Variants in YBX1 observed in about 807,000 individuals in gnomAD.
The protein encoded by YBX1 is Y-box binding protein 1.
In YBX1, 3 loss-of-function variants were observed where a neutral mutation model predicts 41.4. The ratio of observed to expected loss-of-function variants is 0.07; its 90% CI spans 0.03 to 0.19. YBX1 has a LOEUF of 0.19. YBX1 is among the 10% of genes least tolerant of loss of function. The pLI is 1.00. For missense variants in YBX1, 274 were observed against 462.8 expected (o/e 0.59, Z 3.74); for synonymous variants, 133 against 165.8 (o/e 0.80, Z 1.52).
intron 2 of YBX1, among the ~76,000 whole-genome samples, chr1:42,685,655 G>A (rs1327543589): frequency 6.6e-6 from 1 of 152,202 alleles, no homozygotes; most frequent in Non-Finnish European, 1.5e-5. Context: ...ATAAAGGAGA[G>A]GGTGCAGTGT....
In YBX1 at chr1:42,702,659, C is replaced by T. The variant is rs79917566; in HGVS notation, c.*710C>T. Reference sequence around the variant, plus strand: ...ATTGTTTAAAAGGGCATTGCTCTAGCCTAGACCGACCAGACTCTCATCCTG... The same window carrying T: ...ATTGTTTAAAAGGGCATTGCTCTAGTCTAGACCGACCAGACTCTCATCCTG... On this transcript the variant is annotated 3_prime_UTR_variant, in exon 8 of 8. Transcript: ENST00000321358. Among the ~76,000 whole-genome samples the T allele has an allele frequency of 9.8e-4, 149 of 152,284 alleles. No individual in the cohort carries two copies. The highest frequency in any genetic ancestry group is 3.3e-3 in the African/African-American group (138 of 41,556).
intron 2 of YBX1, 63 bp from the exon 3 acceptor site, chr1:42,693,427 A>T: frequency 5.0e-6 from 8 of 1,597,788 alleles, no homozygotes; most frequent in Non-Finnish European, 6.9e-6. Flanking sequence ...TGGGAAAATT[A>T]ATCTTTGACA....
chr1:42,696,592 A>C lies in YBX1; in HGVS notation c.355-50A>C. ...TTCTGATTTCCTTTTGAAAGTGTTG[A>C]AAGTGTTCTGATTTCCTTTGTCACT... On this transcript the variant is annotated intron_variant, in intron 4 of 7. Transcript: ENST00000321358. The surrounding 1 kb of genome is among the most constrained non-coding windows in gnomAD (Gnocchi z 5.7). The C allele has an allele frequency of 8.4e-7, 1 of 1,196,928 alleles. No homozygotes were observed. The highest frequency in any genetic ancestry group is 1.1e-6 in the Non-Finnish European group (1 of 937,952). The allele number at this position is 1,196,928 out of a possible 1,614,324, so 74.1% of individuals were successfully genotyped here.
At chr1:42,689,902 A>G (rs1267598786) in intron 2 of YBX1, among the ~76,000 whole-genome samples, 1 of 152,234 alleles carries the variant, frequency 6.6e-6, no homozygotes, top group Non-Finnish European at 1.5e-5. Flanking sequence ...GGCTAGTATT[A>G]GTGAATAGTA....
At chr1:42,682,807 C>T in intron 1 of YBX1, 76 bp downstream of exon 1, 3 of 1,048,178 alleles carry the variant, frequency 2.9e-6, no homozygotes, top group Non-Finnish European at 2.4e-6. Context: ...GCTGGGCGAG[C>T]CGGCGGGCGC....
intron 1 of YBX1, chr1:42,683,053 C>T (rs1279406241): frequency 4.6e-6 from 2 of 436,904 alleles, no homozygotes; most frequent in African/African-American, 2.1e-5. Context: ...CGCCGTTGTT[C>T]GCGTCACCCC....
rs539601762 is a variant in YBX1 at position 42,697,445 on chromosome 1, A to AT, written c.740+190dup. Reference sequence around the variant, plus strand: ...TAGATGAGGTCTGCTTTATACATAAATTTTTTTAGAAAATGATGAGGGTTT... The same window carrying AT: ...TAGATGAGGTCTGCTTTATACATAAATTTTTTTTAGAAAATGATGAGGGTTT... On this transcript the variant is annotated intron_variant, in intron 6 of 7. Coordinates refer to ENST00000321358, the MANE Select transcript of YBX1 (RefSeq NM_004559.5). Among the ~76,000 whole-genome samples, 479 of 152,258 alleles carry AT rather than the reference A, an allele frequency of 3.1e-3. 1 individual carries two copies. The highest frequency in any genetic ancestry group is 4.7e-3 in the Admixed American group (72 of 15,292).
chr1:42,682,896 C>G (rs1650075338), intron 1 of YBX1, 165 bp downstream of exon 1: 1 of 261,618 alleles, frequency 3.8e-6, no homozygotes, highest in Non-Finnish European at 6.6e-6. Context: ...CGCGGGGACC[C>G]GCCCGGCAGG....
At chr1:42,683,050 G>A (rs766281529) in intron 1 of YBX1, 5 of 433,330 alleles carry the variant, frequency 1.2e-5, no homozygotes, top group South Asian at 8.6e-5. Context: ...GCACGCCGTT[G>A]TTCGCGTCAC....
chr1:42,689,684 G>A (rs770684784), intron 2 of YBX1, among the ~76,000 whole-genome samples: 4 of 152,176 alleles, frequency 2.6e-5, no homozygotes, highest in African/African-American at 4.8e-5. Flanking sequence ...AAAAGCAAAT[G>A]CTAGAATTCC....
At position 42,682,716 on chromosome 1, in the gene YBX1, G is replaced by A; in HGVS notation, c.151G>A (p.Asp51Asn). 5.6e-6 allele frequency: 7 copies of A among 1,247,982 alleles called. No homozygotes were observed. Among genetic ancestry groups the A allele is most frequent in the Non-Finnish European group, 7.0e-6 (7 of 1,001,698 alleles). 77.3% of individuals were successfully genotyped at this position (1,247,982 alleles called of 1,614,324 possible). Residue 51 changes from aspartate to asparagine, a missense_variant, in exon 1 of 8, where the codon GAC becomes AAC. Asp to Asn is a conservative substitution (Grantham distance 23). Transcript: ENST00000321358. ...GLTSAAPAGGDKKVIATKVLG... is the reference protein window; with the variant it reads ...GLTSAAPAGGNKKVIATKVLG... ...CACATCGGCGGCGCCTGCCGGCGGG[G>A]ACAAGAAGGTCATCGGTGAGGACCG... is the stretch of plus-strand genomic sequence containing the variant.
At chr1:42,692,918 G>T (rs1650374399) in intron 2 of YBX1, among the ~76,000 whole-genome samples, 1 of 152,210 alleles carries the variant, frequency 6.6e-6, no homozygotes, top group Non-Finnish European at 1.5e-5. Flanking sequence ...ACCTTCATCA[G>T]TCCTTGTCTG....
rs540883030 is a variant in YBX1, at chr1:42,695,278, A to G, written c.265-921A>G. ...CGTTGATTGTCCTGTCTCCTCTGCA[A>G]TGGAAATGCATGAGTGATCCTGTAA... On this transcript the variant is annotated intron_variant, in intron 3 of 7. Transcript: ENST00000321358. 2.2e-4 allele frequency among the ~76,000 whole-genome samples: 34 copies of G among 152,344 alleles called. No homozygotes were observed. In the East Asian group the frequency reaches 2.7e-3, roughly 12 times the overall value.
rs754880888 is a variant in YBX1, at chr1:42,701,003, C to T, written c.963C>T (p.Gly321=). 41 of 1,614,066 alleles carry T rather than the reference C, an allele frequency of 2.5e-5. No homozygotes were observed. Among genetic ancestry groups the T allele is most frequent in the Admixed American group, 3.3e-5 (2 of 60,022 alleles). The change falls in exon 7 of 8, where the codon GGC becomes GGT. Residue 321 remains glycine, a synonymous_variant. Transcript: ENST00000321358. ...ENSSAPEAEQ[G]GAE is the part of the protein sequence containing the mutation. Reference sequence around the variant, plus strand: ...CGTCCGCTCCCGAGGCTGAGCAGGGCGGGGCTGAGTAAATGCCGGCTTACC... The same window carrying T: ...CGTCCGCTCCCGAGGCTGAGCAGGGTGGGGCTGAGTAAATGCCGGCTTACC...
rs754769299 is a variant in YBX1 at position 42,693,480 on chromosome 1, T to C, written c.231-10T>C. The C allele has an allele frequency of 6.2e-7, 1 of 1,613,552 alleles. No individual in the cohort carries two copies. Among genetic ancestry groups the C allele is most frequent in the Non-Finnish European group, 8.5e-7 (1 of 1,179,730 alleles). ...TTTTCTAACTTGTTCAACTTGGTTC[T>C]GTCTTGCAGGAATGACACCAAGGAA... is the stretch of plus-strand genomic sequence containing the variant. On this transcript the variant is annotated splice_polypyrimidine_tract_variant and intron_variant, in intron 2 of 7. Coordinates refer to ENST00000321358, the MANE Select transcript of YBX1 (RefSeq NM_004559.5).
In YBX1 at chr1:42,700,982, C is replaced by T. The variant is rs750613177; in HGVS notation, c.942C>T (p.Ser314=). The T allele has an allele frequency of 1.3e-5, 21 of 1,614,000 alleles. No homozygotes were observed. In the East Asian group the frequency reaches 1.3e-4, roughly 10 times the overall value. ...CCGATCCACCAGCTGAGAATTCGTC[C>T]GCTCCCGAGGCTGAGCAGGGCGGGG... is the stretch of plus-strand genomic sequence containing the variant. ...KAADPPAENS[S]APEAEQGGAE The change falls in exon 7 of 8, where the codon TCC becomes TCT. Residue 314 remains serine (S), a synonymous_variant. Transcript: ENST00000321358.
At chr1:42,683,305 C>A (rs1336250055) in intron 1 of YBX1, 98 bp from the exon 2 acceptor site, 10 of 1,441,482 alleles carry the variant, frequency 6.9e-6, no homozygotes, top group Non-Finnish European at 9.8e-6. Context: ...CAGGTGGCCG[C>A]GGCGGCCGGC....
At chr1:42,685,302 CCTCCAGGG>C (rs1650167116) in intron 2 of YBX1, among the ~76,000 whole-genome samples, 1 of 152,126 alleles carries the variant, frequency 6.6e-6, no homozygotes, top group Non-Finnish European at 1.5e-5. Flanking sequence ...AATTGGTCAT[CCTCCAGGG>C]CAAGTTATGA....
chr1:42,683,089 C>T (rs1414117447), intron 1 of YBX1: 5 of 535,692 alleles, frequency 9.3e-6, no homozygotes, highest in East Asian at 5.0e-5. Context: ...CGCGTGTGCT[C>T]GGAGGGCGCG....
Sources: allele counts gnomAD v4.1 joint callset (sites outside exome capture counted in the v4.1 genomes callset), GRCh38; gene constraint gnomAD v4.1.1; non-coding constraint Gnocchi (gnomAD v3.1); transcripts MANE v1.5; gene names NCBI Gene and HGNC (gene_info 2026-07-23, HGNC 2026-07-21).